The following DMRT1 variants were observed in gnomAD, a reference collection of about 807,000 sequenced individuals.
The protein encoded by DMRT1 is doublesex and mab-3 related transcription factor 1, also known as doublesex- and mab-3-related transcription factor 1.
DMRT1 carries 7 observed loss-of-function variants against 32.3 expected under a neutral mutation model. The observed-to-expected ratio is 0.22, with a 90% CI of 0.12 to 0.41. The LOEUF (loss-of-function observed/expected upper bound fraction) is 0.41, where lower values mean the gene tolerates loss of function less well. DMRT1 is among the 10% of genes least tolerant of loss of function. The pLI is 1.00. For missense variants in DMRT1, 625 were observed against 500.5 expected, an observed-to-expected ratio of 1.25 and a Z score of -2.37; for synonymous variants, 278 against 206.1, an observed-to-expected ratio of 1.35 and a Z score of -2.99.
At chr9:962,642 A>G (rs1427178208) in intron 4 of DMRT1, among the ~76,000 whole-genome samples, 1 of 151,962 alleles carries the variant, frequency 6.6e-6, no homozygotes, top group Non-Finnish European at 1.5e-5. Context: ...GGCATTGGAG[A>G]AGGAACGCCT....
chr9:933,483 T>G (rs79447959), intron 4 of DMRT1, among the ~76,000 whole-genome samples: 4,919 of 152,200 alleles, frequency 0.032, 313 homozygotes, highest in East Asian at 0.18. Flanking sequence ...ATAGAGAGAA[T>G]GGGTAACAAA....
At chr9:880,418 C>A (rs1031816200) in intron 2 of DMRT1, among the ~76,000 whole-genome samples, 2 of 152,092 alleles carry the variant, frequency 1.3e-5, no homozygotes, top group Admixed American at 1.3e-4. Flanking sequence ...GAGGAATATG[C>A]GAGCATTAGT....
intron 1 of DMRT1, among the ~76,000 whole-genome samples, chr9:846,204 A>AT (rs1219403941): frequency 1.3e-5 from 2 of 150,090 alleles, no homozygotes; most frequent in South Asian, 4.2e-4. Flanking sequence ...TAATTTTTGT[A>AT]TTTTTTTTAG....
rs541269689 is a variant in DMRT1 at position 930,539 on chromosome 9, G to A, written c.967+13632G>A. Among the ~76,000 whole-genome samples the A allele has an allele frequency of 5.5e-4, 83 of 152,118 alleles. 1 individual carries two copies. The highest frequency in any genetic ancestry group is 4.5e-3 in the Admixed American group (69 of 15,274). ...CCATTCTGCCTCAGCCTCCTGAGTA[G>A]CTGGGGCTACAGGCGCCCGCCACCA... On this transcript the variant is annotated intron_variant, in intron 4 of 4. Transcript: ENST00000382276.
intron 2 of DMRT1, among the ~76,000 whole-genome samples, chr9:889,223 C>G (rs753313049): frequency 6.6e-6 from 1 of 152,140 alleles, no homozygotes; most frequent in Non-Finnish European, 1.5e-5. Context: ...AGTTATGAAG[C>G]TGTTTTTAAC....
chr9:848,302 G>A (rs891599008), intron 2 of DMRT1, among the ~76,000 whole-genome samples: 3 of 152,158 alleles, frequency 2.0e-5, no homozygotes, highest in African/African-American at 4.8e-5. Flanking sequence ...GAGGGAAAGG[G>A]TTCCTGAGGG....
intron 4 of DMRT1, among the ~76,000 whole-genome samples, chr9:927,441 A>G (rs1376187378): frequency 6.6e-6 from 1 of 152,186 alleles, no homozygotes; most frequent in Non-Finnish European, 1.5e-5. Context: ...GTAAATCCAG[A>G]TTGCGATGTG....
intron 4 of DMRT1, among the ~76,000 whole-genome samples, chr9:940,892 T>G (rs1286612504): frequency 2.0e-5 from 3 of 152,158 alleles, no homozygotes; most frequent in Non-Finnish European, 4.4e-5. Context: ...TGAACAGACA[T>G]TTCTCCAAAG....
intron 3 of DMRT1, among the ~76,000 whole-genome samples, chr9:907,368 G>C (rs1189591712): frequency 6.6e-6 from 1 of 152,160 alleles, no homozygotes; most frequent in African/African-American, 2.4e-5. Context: ...CTAGACAAAT[G>C]TAGGTTTCCA....
At chr9:924,010 C>T (rs1379103833) in intron 4 of DMRT1, among the ~76,000 whole-genome samples, 1 of 151,572 alleles carries the variant, frequency 6.6e-6, no homozygotes, top group East Asian at 1.9e-4. Flanking sequence ...GGAACTATCC[C>T]AGGAGACGAG....
At chr9:914,537 G>GAT (rs1215589171) in intron 3 of DMRT1, among the ~76,000 whole-genome samples, 1 of 122,744 alleles carries the variant, frequency 8.1e-6, no homozygotes, top group Non-Finnish European at 1.6e-5. Flanking sequence ...TCATGCCACT[G>GAT]CAGTCCAGCC....
chr9:849,974 C>G (rs1364980139), intron 2 of DMRT1, among the ~76,000 whole-genome samples: 1 of 152,178 alleles, frequency 6.6e-6, no homozygotes, highest in East Asian at 1.9e-4. Flanking sequence ...CAAGCATGCG[C>G]TATCTGGCTA....
chr9:921,504 T>G (rs1352140749), intron 4 of DMRT1, among the ~76,000 whole-genome samples: 1 of 152,192 alleles, frequency 6.6e-6, no homozygotes, highest in East Asian at 1.9e-4. Flanking sequence ...TCTGGGTGTA[T>G]GCCTAGAAGT....
At chr9:930,215 ATTTG>A (rs1177660007) in intron 4 of DMRT1, among the ~76,000 whole-genome samples, 1 of 151,892 alleles carries the variant, frequency 6.6e-6, no homozygotes, top group African/African-American at 2.4e-5. Flanking sequence ...AGATTGTTCT[ATTTG>A]TTTGTTTTTT....
intron 3 of DMRT1, among the ~76,000 whole-genome samples, chr9:906,130 A>G (rs942080975): frequency 1.3e-5 from 2 of 152,046 alleles, no homozygotes; most frequent in African/African-American, 2.4e-5. Flanking sequence ...TGTCATTTCA[A>G]TTAGTTGGAG....
intron 2 of DMRT1, among the ~76,000 whole-genome samples, chr9:891,946 CAGT>C (rs1166608083): frequency 6.6e-6 from 1 of 152,212 alleles, no homozygotes; most frequent in East Asian, 1.9e-4. Context: ...ACGGAGGACA[CAGT>C]GGTGTGCCCG....
intron 3 of DMRT1, among the ~76,000 whole-genome samples, chr9:905,112 G>A (rs1228836023): frequency 6.6e-6 from 1 of 152,200 alleles, no homozygotes; most frequent in Non-Finnish European, 1.5e-5. Flanking sequence ...AGTGCATGGT[G>A]ATAGATTGAC....
rs1025394915 is a variant in DMRT1 at position 901,449 on chromosome 9, T to C, written c.822+7254T>C. ...TCAAGCGATTCTCCTGCCTCAGCCTTCCAAGTAGCTGGGATTACAGGCCCC... is the reference window on the plus strand; with the variant it reads ...TCAAGCGATTCTCCTGCCTCAGCCTCCCAAGTAGCTGGGATTACAGGCCCC... On this transcript the variant is annotated intron_variant, in intron 3 of 4. Coordinates refer to ENST00000382276, the MANE Select transcript of DMRT1 (RefSeq NM_021951.3). 5.9e-5 allele frequency among the ~76,000 whole-genome samples: 9 copies of C among 151,818 alleles called. 1 individual carries two copies. The South Asian group carries it at 8.4e-4, about 14-fold the overall frequency.
chr9:968,005 C>G lies in DMRT1; in HGVS notation c.988C>G (p.Gln330Glu), dbSNP rs1279800540. ...RASVFSPPSS[Q>E]DSGLVSLSSS... ...CGCAGTATTCTCGCCGCCCAGCAGTCAAGATTCTGGCTTGGTTTCCCTCTC... is the reference window on the plus strand; with the variant it reads ...CGCAGTATTCTCGCCGCCCAGCAGTGAAGATTCTGGCTTGGTTTCCCTCTC... Residue 330 changes from glutamine (Q) to glutamate (E), a missense_variant, in exon 5 of 5, where the codon CAA becomes GAA. This residue lies in a region of DMRT1 where 416 missense variants were observed against 321.6 expected (regional missense o/e 1.29). Transcript: ENST00000382276. The G allele has an allele frequency of 1.9e-6, 3 of 1,613,910 alleles. No homozygotes were observed. The highest frequency in any genetic ancestry group is 2.5e-6 in the Non-Finnish European group (3 of 1,180,032).
Sources: gnomAD v4.1 joint callset for allele counts (sites outside exome capture counted in the v4.1 genomes callset) on GRCh38, gnomAD v4.1.1 for gene constraint, gnomAD v4.1.1 regional missense constraint, MANE v1.5 for transcripts, NCBI Gene and HGNC (gene_info 2026-07-23, HGNC 2026-07-21) for gene names.